Variants in ERC1 observed in about 807,000 individuals in gnomAD.
ERC1 encodes RAB6 interacting protein 2.
ERC1 carries 56 observed loss-of-function variants against 132.0 expected under a neutral mutation model. That is an observed-to-expected ratio of 0.42 (90% CI 0.34 to 0.53). The LOEUF (loss-of-function observed/expected upper bound fraction) is 0.53, where lower values mean the gene tolerates loss of function less well. Ranked by LOEUF, ERC1 falls within the 20% of genes least tolerant of loss-of-function variation. ERC1 has a pLI of 0.03. For missense variants in ERC1, 1,202 were observed against 1,349.9 expected, an observed-to-expected ratio of 0.89 and a Z score of 1.72; for synonymous variants, 478 against 476.1, an observed-to-expected ratio of 1.00 and a Z score of -0.05.
chr12:1,439,759 A>T (rs2093050712), intron 17 of ERC1, among the ~76,000 whole-genome samples: 1 of 152,208 alleles, frequency 6.6e-6, no homozygotes, highest in South Asian at 2.1e-4. Context: ...TGTGGAAAAA[A>T]GTTATAACTT....
At chr12:1,440,329 C>G (rs568619108) in intron 17 of ERC1, among the ~76,000 whole-genome samples, 2 of 148,048 alleles carry the variant, frequency 1.4e-5, no homozygotes, top group South Asian at 2.1e-4. Context: ...CTCAGCCTCC[C>G]GAGTAGCTGG....
Position 1,221,951 on chromosome 12 carries a change from C to T in ERC1, c.2352-14818C>T, listed in dbSNP as rs369480349. On this transcript the variant is annotated intron_variant, in intron 12 of 18. Coordinates refer to ENST00000360905, the MANE Select transcript of ERC1 (RefSeq NM_178040.4). ...TGGTATCATTGTACAAATATCATAGCGTATACTAACACAAACATAGATGGT... is the reference window on the plus strand; with the variant it reads ...TGGTATCATTGTACAAATATCATAGTGTATACTAACACAAACATAGATGGT... Among the ~76,000 whole-genome samples the T allele has an allele frequency of 3.1e-3, 477 of 152,218 alleles. 5 individuals are homozygous for T. Among genetic ancestry groups the T allele is most frequent in the South Asian group, 0.016 (77 of 4,818 alleles).
chr12:1,164,382 G>A (rs1265726139), intron 8 of ERC1, among the ~76,000 whole-genome samples: 9 of 151,394 alleles, frequency 5.9e-5, no homozygotes, highest in Non-Finnish European at 8.8e-5. Context: ...TCGCTCTGTT[G>A]CCCAGCCTGG....
At chr12:1,279,967 G>A (rs1566470669) in intron 14 of ERC1, among the ~76,000 whole-genome samples, 1 of 152,214 alleles carries the variant, frequency 6.6e-6, no homozygotes, top group Non-Finnish European at 1.5e-5. Flanking sequence ...GTCCTGGGAT[G>A]ACAGATGTGA....
intron 16 of ERC1, among the ~76,000 whole-genome samples, chr12:1,391,932 T>C (rs1252524815): frequency 6.6e-6 from 1 of 152,252 alleles, no homozygotes; most frequent in African/African-American, 2.4e-5. Flanking sequence ...ACAGCACTCC[T>C]GACTGGTCTG....
chr12:1,300,324 GA>G (rs921076990), intron 15 of ERC1, among the ~76,000 whole-genome samples: 2 of 152,126 alleles, frequency 1.3e-5, no homozygotes. Flanking sequence ...ACTCAAAATG[GA>G]TTAAAGACTT....
chr12:1,104,947 G>A (rs1225067766), intron 4 of ERC1, 123 bp downstream of exon 4: 1 of 616,802 alleles, frequency 1.6e-6, no homozygotes, highest in Non-Finnish European at 2.9e-6. Context: ...GAGATTAAGA[G>A]TGAGAATCAA....
intron 15 of ERC1, among the ~76,000 whole-genome samples, chr12:1,307,109 C>T (rs2080941950): frequency 6.6e-6 from 1 of 152,160 alleles, no homozygotes; most frequent in South Asian, 2.1e-4. Context: ...TACTAAAGCT[C>T]AGCTGTTGTC....
intron 15 of ERC1, among the ~76,000 whole-genome samples, chr12:1,336,953 A>G (rs1454037541): frequency 3.3e-5 from 5 of 152,156 alleles, no homozygotes; most frequent in Non-Finnish European, 7.4e-5. Flanking sequence ...ATGCACGAGC[A>G]TGCTGGCTAT....
chr12:1,357,116 C>T (rs1254465125), intron 15 of ERC1, among the ~76,000 whole-genome samples: 1 of 152,136 alleles, frequency 6.6e-6, no homozygotes, highest in Non-Finnish European at 1.5e-5. Context: ...GATACTTACG[C>T]ATTGGAGCAG....
chr12:1,341,951 A>G (rs1205480379), intron 15 of ERC1, among the ~76,000 whole-genome samples: 1 of 152,168 alleles, frequency 6.6e-6, no homozygotes, highest in Admixed American at 6.5e-5. Flanking sequence ...TTCTTTTTGT[A>G]TTTCACTGAA....
At chr12:1,204,428 T>C (rs1182604781) in intron 12 of ERC1, 1 of 1,289,276 alleles carries the variant, frequency 7.8e-7, no homozygotes, top group Non-Finnish European at 1.1e-6. Context: ...ATAATATTTC[T>C]GAATATTGTC....
intron 15 of ERC1, among the ~76,000 whole-genome samples, chr12:1,328,828 G>A (rs1041196201): frequency 1.7e-5 from 2 of 120,718 alleles, no homozygotes; most frequent in Admixed American, 8.0e-5. Context: ...TGAATTAGGA[G>A]CATCTAATTC....
At chr12:1,274,942 G>A (rs527580429) in intron 14 of ERC1, among the ~76,000 whole-genome samples, 66 of 152,282 alleles carry the variant, frequency 4.3e-4, no homozygotes, top group South Asian at 4.1e-3. Context: ...GGCATAGTTC[G>A]GAAATCAAAA....
At chr12:1,348,637 G>T (rs990770421) in intron 15 of ERC1, among the ~76,000 whole-genome samples, 2 of 151,746 alleles carry the variant, frequency 1.3e-5, no homozygotes, top group Non-Finnish European at 1.5e-5. Context: ...AGCTTGCAGC[G>T]AGCCGAGATT....
chr12:1,237,210 A>G (rs1422089269), intron 13 of ERC1, among the ~76,000 whole-genome samples: 2 of 152,188 alleles, frequency 1.3e-5, no homozygotes, highest in Non-Finnish European at 2.9e-5. Context: ...CAGGGTTGTC[A>G]GTATACCTCT....
chr12:1,483,667 G>GGT (rs1257983853), intron 18 of ERC1, among the ~76,000 whole-genome samples: 1 of 75,142 alleles, frequency 1.3e-5, no homozygotes, highest in Non-Finnish European at 2.9e-5. Context: ...GCCACTGAGA[G>GGT]CTTTTTTTTT....
At chr12:1,381,494 C>T (rs1182917817) in intron 16 of ERC1, among the ~76,000 whole-genome samples, 8 of 151,998 alleles carry the variant, frequency 5.3e-5, no homozygotes, top group African/African-American at 1.9e-4. Flanking sequence ...CCACCACAGC[C>T]GTCCTCAATG....
At chr12:1,286,075 C>T (rs920380365) in intron 14 of ERC1, among the ~76,000 whole-genome samples, 2 of 152,084 alleles carry the variant, frequency 1.3e-5, no homozygotes, top group African/African-American at 4.8e-5. Flanking sequence ...AGGTGGATCA[C>T]TTGAAGTCAG....
Sources: gnomAD v4.1 joint callset for allele counts (sites outside exome capture counted in the v4.1 genomes callset) on GRCh38, gnomAD v4.1.1 for gene constraint, MANE v1.5 for transcripts, NCBI Gene and HGNC (gene_info 2026-07-23, HGNC 2026-07-21) for gene names.